The following DOP1A variants were observed in gnomAD, a reference collection of about 807,000 sequenced individuals.
DOP1A encodes protein DOP1A.
In DOP1A, 90 loss-of-function variants were observed where a neutral mutation model predicts 267.6. The observed-to-expected ratio is 0.34, with a 90% CI of 0.28 to 0.40. DOP1A has a LOEUF of 0.40. Among genes scored for constraint, DOP1A ranks in the 10% least tolerant of loss-of-function variants. The pLI, the probability that DOP1A is intolerant of heterozygous loss-of-function variation, is 1.00. For synonymous variants in DOP1A, 932 were observed against 999.1 expected, an observed-to-expected ratio of 0.93 and a Z score of 1.27; for missense variants, 2,437 against 2,900.4, an observed-to-expected ratio of 0.84 and a Z score of 3.67.
rs755951319 is a variant in DOP1A at position 83,110,203 on chromosome 6, C to T, written c.570C>T (p.Leu190=). Residue 190 remains leucine, a synonymous_variant, in exon 6 of 39, where the codon CTC becomes CTT. Coordinates refer to ENST00000349129, the MANE Select transcript of DOP1A (RefSeq NM_015018.4). ...AFYSALWGSL[L]TSPAVRLPGI... Reference sequence around the variant, plus strand: ...ACAGTGCCCTGTGGGGTAGTCTTCTCACCAGTCCTGCTGTGCGTTTACCTG... The same window carrying T: ...ACAGTGCCCTGTGGGGTAGTCTTCTTACCAGTCCTGCTGTGCGTTTACCTG... 5 of 1,613,950 alleles carry T rather than the reference C, an allele frequency of 3.1e-6. No homozygotes were observed. The highest frequency in any genetic ancestry group is 1.3e-5 in the African/African-American group (1 of 74,926).
At chr6:83,123,036 G>A (rs1776597090) in intron 12 of DOP1A, 54 bp downstream of exon 12, 1 of 1,530,650 alleles carries the variant, frequency 6.5e-7, no homozygotes, top group Non-Finnish European at 8.7e-7. Context: ...CTAACCTTTG[G>A]GTTTTTTTTA....
rs1767777099 is a variant in DOP1A at position 83,079,853 on chromosome 6, G to A, written c.-147+12074G>A. On this transcript the variant is annotated intron_variant, in intron 1 of 38. Transcript: ENST00000349129. ...TGATGAAAATTTATGTTTCAAATAA[G>A]CTGGAAAGAAATACATGGTGGGATA... 2.0e-5 allele frequency among the ~76,000 whole-genome samples: 3 copies of A among 152,016 alleles called. No individual in the cohort carries two copies. The South Asian group carries it at 6.2e-4, about 32-fold the overall frequency.
chr6:83,156,670 A>G (rs1237468984), intron 34 of DOP1A, among the ~76,000 whole-genome samples: 3 of 152,236 alleles, frequency 2.0e-5, no homozygotes, highest in Admixed American at 1.3e-4. Context: ...TCGAGTCAGC[A>G]TACTCTAAAG....
chr6:83,069,452 G>A (rs868774308), intron 1 of DOP1A, among the ~76,000 whole-genome samples: 6 of 152,184 alleles, frequency 3.9e-5, no homozygotes, highest in African/African-American at 1.2e-4. Flanking sequence ...TGGCCAAATG[G>A]TTAACAACTC....
intron 15 of DOP1A, among the ~76,000 whole-genome samples, chr6:83,128,570 T>A (rs1777548896): frequency 6.6e-6 from 1 of 152,210 alleles, no homozygotes; most frequent in Non-Finnish European, 1.5e-5. Flanking sequence ...ACATATCTCA[T>A]TCTTGGCATT....
chr6:83,144,260 A>G (rs1193174055), intron 24 of DOP1A, among the ~76,000 whole-genome samples: 1 of 152,168 alleles, frequency 6.6e-6, no homozygotes, highest in Non-Finnish European at 1.5e-5. Context: ...AATCTCTGGG[A>G]TAATGGTAAC....
At chr6:83,141,253 A>C (rs1412960385) in intron 23 of DOP1A, among the ~76,000 whole-genome samples, 2 of 152,172 alleles carry the variant, frequency 1.3e-5, no homozygotes, top group Non-Finnish European at 2.9e-5. Context: ...TATGTAAAAA[A>C]TGTTATCTGC....
At chr6:83,166,410 C>A (rs1221954958) in intron 38 of DOP1A, 5 of 702,022 alleles carry the variant, frequency 7.1e-6, no homozygotes, top group Admixed American at 2.0e-5. Context: ...TGTTCATTAG[C>A]AGTTCCTGGG....
rs1457152755 is a variant in DOP1A at position 83,140,339 on chromosome 6, C to G, written c.5351C>G (p.Ser1784Cys). 1.2e-6 allele frequency: 2 copies of G among 1,613,354 alleles called. No individual in the cohort carries two copies. The highest frequency in any genetic ancestry group is 2.2e-5 in the East Asian group (1 of 44,862). Residue 1784 changes from serine to cysteine, a missense_variant, in exon 23 of 39, where the codon TCT becomes TGT. Around this residue, in one of 9 missense-constraint regions of DOP1A, gnomAD observed 307 missense variants for 308.6 expected, o/e 0.99. Coordinates refer to ENST00000349129, the MANE Select transcript of DOP1A (RefSeq NM_015018.4). ...TGGAGCATACTGCATCAAGCTGATT[C>G]TTCAGAAAAGATGACTATTGCCGCA... ...LLWSILHQAD[S>C]SEKMTIAASA...
At chr6:83,084,061 T>A (rs1768630033) in intron 1 of DOP1A, among the ~76,000 whole-genome samples, 1 of 152,216 alleles carries the variant, frequency 6.6e-6, no homozygotes, top group Non-Finnish European at 1.5e-5. Context: ...ATCTATGGGC[T>A]TTTAAACCTC....
At chr6:83,170,448 C>T (rs473267), downstream of DOP1A, 440,446 of 1,612,928 alleles carry the variant, frequency 0.27, 64,262 homozygotes, top group African/African-American at 0.56. Context: ...CTTTCAGCAT[C>T]GGTAGTGCTA....
intron 30 of DOP1A, 119 bp downstream of exon 30, chr6:83,152,486 C>A: frequency 2.3e-6 from 1 of 426,552 alleles, no homozygotes; most frequent in Non-Finnish European, 4.0e-6. Flanking sequence ...TTCTAGAAAT[C>A]ACTATATAGA....
intron 1 of DOP1A, among the ~76,000 whole-genome samples, chr6:83,091,895 A>C (rs889168069): frequency 2.6e-5 from 4 of 152,180 alleles, no homozygotes; most frequent in African/African-American, 9.6e-5. Flanking sequence ...TAGTTATTTT[A>C]TACGAATTTT....
intron 1 of DOP1A, among the ~76,000 whole-genome samples, chr6:83,077,843 T>C (rs1177574944): frequency 6.6e-6 from 1 of 152,206 alleles, no homozygotes; most frequent in Non-Finnish European, 1.5e-5. Flanking sequence ...TAAAATACAC[T>C]AACACTTAAC....
chr6:83,113,693 A>G (rs1412162215), intron 7 of DOP1A, among the ~76,000 whole-genome samples: 2 of 152,212 alleles, frequency 1.3e-5, no homozygotes, highest in Non-Finnish European at 1.5e-5. Flanking sequence ...GAGGTTCTCT[A>G]TTGCTAACTC....
At chr6:83,169,084 GT>G, downstream of DOP1A, 1 of 1,439,190 alleles carries the variant, frequency 6.9e-7, no homozygotes, top group Non-Finnish European at 9.1e-7. Flanking sequence ...GAATTATTCT[GT>G]TAGTGTTTAA....
rs1460611750 is a variant in DOP1A, at chr6:83,137,193, A to G, written c.3151A>G (p.Thr1051Ala). The G allele has an allele frequency of 6.4e-7, 1 of 1,565,468 alleles. No homozygotes were observed. The change falls in exon 21 of 39, where the codon ACA (threonine) becomes GCA (alanine). Residue 1051 changes from threonine to alanine, a missense_variant. Physicochemically the swap from Thr to Ala is moderately conservative, Grantham distance 58. This residue lies in a region of DOP1A where 878 missense variants were observed against 992.9 expected (regional missense o/e 0.88). Transcript: ENST00000349129. ...CSNVSQVQLI[T>A]SKGNGEKPLT... The stretch of plus-strand genomic sequence containing the variant: ...ATCAGTGAGCCAAGTACAACTCATC[A>G]CATCAAAAGGAAATGGTGAAAAGCC...
chr6:83,166,990 G>A (rs1015748619), intron 38 of DOP1A: 3 of 985,618 alleles, frequency 3.0e-6, no homozygotes, highest in Non-Finnish European at 3.6e-6. Context: ...CAACCAACCT[G>A]TTCTCTCTTA....
At chr6:83,149,245 T>G (rs1354648384) in intron 27 of DOP1A, among the ~76,000 whole-genome samples, 2 of 152,176 alleles carry the variant, frequency 1.3e-5, no homozygotes, top group African/African-American at 4.8e-5. Flanking sequence ...GGGAAAATTT[T>G]TCTCTTTGTG....
Sources: gnomAD v4.1 joint callset for allele counts (sites outside exome capture counted in the v4.1 genomes callset) on GRCh38, gnomAD v4.1.1 for gene constraint, gnomAD v4.1.1 regional missense constraint, MANE v1.5 for transcripts, NCBI Gene and HGNC (gene_info 2026-07-23, HGNC 2026-07-21) for gene names.